FSTL4: variants seen among roughly 807,000 people sequenced by gnomAD.
The protein encoded by FSTL4 is follistatin-related protein 4.
FSTL4 carries 28 observed loss-of-function variants against 78.2 expected under a neutral mutation model. The observed-to-expected ratio is 0.36, with a 90% CI of 0.27 to 0.49. FSTL4 has a LOEUF of 0.49. Among genes scored for constraint, FSTL4 ranks in the 20% least tolerant of loss-of-function variants. The probability of loss-of-function intolerance (pLI) is 0.98; values close to 1 mark genes in which losing one functional copy is unlikely to be tolerated. For synonymous variants in FSTL4, 422 were observed against 440.5 expected (o/e 0.96, Z 0.53); for missense variants, 922 against 1,084.9 (o/e 0.85, Z 2.11).
Position 133,592,123 on chromosome 5 carries a change from C to T in FSTL4, c.126+11735G>A, listed in dbSNP as rs144462086. On this transcript the variant is annotated intron_variant, in intron 2 of 15. Coordinates refer to ENST00000265342, the MANE Select transcript of FSTL4 (RefSeq NM_015082.2). ...TCTGCCCACCCAGATCCTGGTCTTC[C>T]TCTCCAAGTACCTCTGCCTCCAAGA... 3.4e-3 allele frequency among the ~76,000 whole-genome samples: 520 copies of T among 152,282 alleles called. 5 individuals carry two copies. Among genetic ancestry groups the T allele is most frequent in the African/African-American group, 0.012 (494 of 41,548 alleles).
chr5:133,674,126 G>A, the FSTL4 span, among the ~76,000 whole-genome samples: 1 of 152,122 alleles, frequency 6.6e-6, no homozygotes, highest in African/African-American at 2.4e-5. Flanking sequence ...TACGTTGTGA[G>A]AGGACTGACA....
rs146545957 is a variant in FSTL4, at chr5:133,479,019, T to C, written c.161-78033A>G. Among the ~76,000 whole-genome samples, 48 of 152,294 alleles carry C rather than the reference T, an allele frequency of 3.2e-4. No individual in the cohort carries two copies. In the East Asian group the frequency reaches 9.2e-3, roughly 29 times the overall value. ...TATTTGGATAATTCTTTAAGTAAAA[T>C]AGAAATGTCTACTGCCGGGGAGAAA... On this transcript the variant is annotated intron_variant, in intron 3 of 15. Transcript: ENST00000265342.
chr5:133,454,441 C>G (rs923908023), intron 3 of FSTL4, among the ~76,000 whole-genome samples: 1 of 152,196 alleles, frequency 6.6e-6, no homozygotes. Flanking sequence ...TTTGCACCAG[C>G]GATACCCCTT....
chr5:133,208,019 TCTC>T (rs1053608105), intron 14 of FSTL4: 2 of 152,168 alleles, frequency 1.3e-5, no homozygotes, highest in African/African-American at 4.8e-5. Context: ...TCATTGTCTC[TCTC>T]CTCATTCAAA....
At chr5:133,337,729 C>T (rs76352776) in intron 4 of FSTL4, among the ~76,000 whole-genome samples, 5 of 152,260 alleles carry the variant, frequency 3.3e-5, no homozygotes, top group African/African-American at 1.2e-4. Flanking sequence ...GTTACAGAGT[C>T]GATGCTGCAC....
At chr5:133,400,139 C>T (rs1756183166) in intron 4 of FSTL4, among the ~76,000 whole-genome samples, 1 of 152,226 alleles carries the variant, frequency 6.6e-6, no homozygotes, top group Admixed American at 6.5e-5. Flanking sequence ...CCCTTCTTTT[C>T]TGACTCAATC....
chr5:133,744,012 G>A, the FSTL4 span, among the ~76,000 whole-genome samples: 11 of 152,340 alleles, frequency 7.2e-5, no homozygotes, highest in East Asian at 1.7e-3. Context: ...GGCAGCCAGC[G>A]GAGGCCCATC....
intron 4 of FSTL4, among the ~76,000 whole-genome samples, chr5:133,378,539 A>G (rs1239254393): frequency 6.6e-6 from 1 of 152,190 alleles, no homozygotes; most frequent in African/African-American, 2.4e-5. Context: ...TCAAATGACA[A>G]AATTATTTAA....
chr5:133,395,751 A>C (rs1382656459), intron 4 of FSTL4, among the ~76,000 whole-genome samples: 1 of 151,966 alleles, frequency 6.6e-6, no homozygotes, highest in African/African-American at 2.4e-5. Flanking sequence ...CACACTCTCA[A>C]CCTAGCAAAC....
chr5:133,395,644 C>T (rs537915878), intron 4 of FSTL4, among the ~76,000 whole-genome samples: 3 of 152,272 alleles, frequency 2.0e-5, no homozygotes, highest in African/African-American at 7.2e-5. Context: ...TGCCTTTATC[C>T]CCAACTATGC....
intron 3 of FSTL4, among the ~76,000 whole-genome samples, chr5:133,513,641 G>A (rs823759): frequency 0.12 from 18,421 of 152,164 alleles, 1,192 homozygotes; most frequent in Non-Finnish European, 0.15. Flanking sequence ...CAAGGACAAA[G>A]GCTTCTAAAC....
rs188538225 is a variant in FSTL4 at position 133,353,728 on chromosome 5, G to A, written c.410-37076C>T. ...AAGACAAAAATAACTGTACACAAGC[G>A]CACACACACAGTTGCCATCTGAAAT... On this transcript the variant is annotated intron_variant, in intron 4 of 15. Transcript: ENST00000265342. Among the ~76,000 whole-genome samples the A allele has an allele frequency of 3.4e-4, 52 of 152,314 alleles. No individual in the cohort carries two copies. In the East Asian group the frequency reaches 7.9e-3, roughly 23 times the overall value.
Position 133,475,170 on chromosome 5 carries a change from C to T in FSTL4, c.161-74184G>A, listed in dbSNP as rs1160794467. 2.0e-5 allele frequency among the ~76,000 whole-genome samples: 3 copies of T among 152,236 alleles called. 1 individual carries two copies. Among genetic ancestry groups the T allele is most frequent in the Non-Finnish European group, 4.4e-5 (3 of 68,044 alleles). On this transcript the variant is annotated intron_variant, in intron 3 of 15. Coordinates refer to ENST00000265342, the MANE Select transcript of FSTL4 (RefSeq NM_015082.2). ...GTCTCAGTTAGGAACTAAAACTAAG[C>T]TTCAGGCTCCTGTTCCCGAGAATTT... is the stretch of plus-strand genomic sequence containing the variant.
chr5:133,840,799 G>A, the FSTL4 span, among the ~76,000 whole-genome samples: 19 of 152,212 alleles, frequency 1.2e-4, no homozygotes, highest in Non-Finnish European at 2.6e-4. Flanking sequence ...TAAATCACTC[G>A]CTTGTCAATC....
chr5:133,262,030 T>G (rs1203379401), intron 6 of FSTL4, among the ~76,000 whole-genome samples: 2 of 151,730 alleles, frequency 1.3e-5, no homozygotes, highest in African/African-American at 2.4e-5. Context: ...AGACTCTTTG[T>G]GGTAATAAAA....
chr5:133,500,104 TG>T (rs1282112650), intron 3 of FSTL4, among the ~76,000 whole-genome samples: 1 of 152,188 alleles, frequency 6.6e-6, no homozygotes, highest in African/African-American at 2.4e-5. Context: ...GAGCATGTCC[TG>T]GGCCCCATTT....
At position 133,401,207 on chromosome 5, in the gene FSTL4, A is replaced by G. The variant is rs145655721; in HGVS notation, c.161-221T>C. ...TCCTGCCTTGCAGAGCTCAGGTTTC[A>G]TGGCTGACTCACTCTGAACATCTGA... On this transcript the variant is annotated intron_variant, in intron 3 of 15. Transcript: ENST00000265342. 4.1e-3 allele frequency among the ~76,000 whole-genome samples: 621 copies of G among 152,322 alleles called. 2 individuals are homozygous for G. Among genetic ancestry groups the G allele is most frequent in the African/African-American group, 0.014 (592 of 41,578 alleles).
chr5:133,255,725 T>C (rs995662361), intron 6 of FSTL4, among the ~76,000 whole-genome samples: 4 of 152,222 alleles, frequency 2.6e-5, no homozygotes, highest in East Asian at 3.8e-4. Flanking sequence ...CCCTGAGTCT[T>C]GGAGCTTGGA....
chr5:133,797,306 T>C, the FSTL4 span, among the ~76,000 whole-genome samples: 2 of 146,700 alleles, frequency 1.4e-5, no homozygotes, highest in East Asian at 1.9e-4. Flanking sequence ...CTTTAACTTG[T>C]AGTTGGTTAA....
Sources: allele counts gnomAD v4.1 joint callset (sites outside exome capture counted in the v4.1 genomes callset), GRCh38; gene constraint gnomAD v4.1.1; transcripts MANE v1.5; gene names NCBI Gene and HGNC (gene_info 2026-07-23, HGNC 2026-07-21).